The following CELF4 variants were observed in gnomAD, a reference collection of about 807,000 sequenced individuals.
CELF4 encodes CUG-BP- and ETR-3-like factor 4.
Under a neutral mutation model 59.9 loss-of-function variants are expected in CELF4, and 18 were observed. That is an observed-to-expected ratio of 0.30 (90% CI 0.21 to 0.45). CELF4 has a LOEUF of 0.45. Ranked by LOEUF, CELF4 falls within the 20% of genes least tolerant of loss-of-function variation. The pLI, the probability that CELF4 is intolerant of heterozygous loss-of-function variation, is 1.00. For missense variants in CELF4, 456 were observed against 689.0 expected, an observed-to-expected ratio of 0.66 and a Z score of 3.79; for synonymous variants, 261 against 267.1, an observed-to-expected ratio of 0.98 and a Z score of 0.22.
At chr18:37,338,759 C>CGTGTGTGTGTGTGTGTGT (rs60532435) in intron 2 of CELF4, among the ~76,000 whole-genome samples, 3 of 145,572 alleles carry the variant, frequency 2.1e-5, no homozygotes, top group East Asian at 2.0e-4. Context: ...ATGCAGGAGC[C>CGTGTGTGTGTGTGTGTGT]GTGTGTGTGT....
intron 2 of CELF4, among the ~76,000 whole-genome samples, chr18:37,340,863 C>G (rs1216466243): frequency 6.6e-6 from 1 of 152,248 alleles, no homozygotes; most frequent in Non-Finnish European, 1.5e-5. Flanking sequence ...CCTCTGCTGA[C>G]TGGAGGCTCA....
chr18:37,356,849 A>T (rs1020461420), intron 2 of CELF4, among the ~76,000 whole-genome samples: 4 of 152,138 alleles, frequency 2.6e-5, no homozygotes, highest in Admixed American at 2.0e-4. Context: ...GGTTTATGCC[A>T]GGCACTCGGC....
chr18:37,283,697 T>G (rs1325066692), intron 3 of CELF4, among the ~76,000 whole-genome samples: 1 of 151,546 alleles, frequency 6.6e-6, no homozygotes, highest in African/African-American at 2.4e-5. Flanking sequence ...TGGAGATGAG[T>G]AGGCACTGGA....
At chr18:37,456,751 G>A (rs907040667) in intron 2 of CELF4, among the ~76,000 whole-genome samples, 5 of 152,044 alleles carry the variant, frequency 3.3e-5, no homozygotes, top group African/African-American at 1.2e-4. Flanking sequence ...CTCAATCTGG[G>A]GCCTATTCCT....
rs564982920 is a variant in CELF4 at position 37,492,981 on chromosome 18, C to G, written c.287-7374G>C. On this transcript the variant is annotated intron_variant, in intron 1 of 12. Transcript: ENST00000420428. ...GACCCTCCTGCCATCTTCCCAGGAC[C>G]TTTTCTGGCCATTCTTGTTTCCCTA... is the stretch of plus-strand genomic sequence containing the variant. 2.6e-5 allele frequency among the ~76,000 whole-genome samples: 4 copies of G among 152,296 alleles called. No individual in the cohort carries two copies. In the South Asian group the frequency reaches 6.2e-4, roughly 24 times the overall value.
chr18:37,482,686 G>A (rs558013063), intron 2 of CELF4, among the ~76,000 whole-genome samples: 3 of 152,096 alleles, frequency 2.0e-5, no homozygotes, highest in Non-Finnish European at 4.4e-5. Flanking sequence ...CATGTGCTAG[G>A]GGTGCCTCTA....
chr18:37,547,668 C>T (rs945091141), intron 1 of CELF4, among the ~76,000 whole-genome samples: 1 of 152,188 alleles, frequency 6.6e-6, no homozygotes, highest in African/African-American at 2.4e-5. Flanking sequence ...GAGGATTTGG[C>T]CACAGACTTT....
At position 37,353,092 on chromosome 18, in the gene CELF4, G is replaced by A. The variant is rs539471426; in HGVS notation, c.370-31211C>T. 2.4e-3 allele frequency among the ~76,000 whole-genome samples: 366 copies of A among 151,876 alleles called. 1 individual carries two copies. The highest frequency in any genetic ancestry group is 8.3e-3 in the African/African-American group (345 of 41,430). ...AAAAATTAGCCGGGTGTGATGGCAC[G>A]TGCCTGCAGTCCCAGCTACTTGGGA... On this transcript the variant is annotated intron_variant, in intron 2 of 12. Coordinates refer to ENST00000420428, the MANE Select transcript of CELF4 (RefSeq NM_020180.4).
At chr18:37,487,596 G>A (rs972136939) in intron 1 of CELF4, among the ~76,000 whole-genome samples, 11 of 152,232 alleles carry the variant, frequency 7.2e-5, no homozygotes, top group African/African-American at 9.6e-5. Flanking sequence ...GTCGTCCCTC[G>A]TGCTGCCGCC....
chr18:37,301,278 T>A (rs1036697974), intron 3 of CELF4, among the ~76,000 whole-genome samples: 2 of 152,166 alleles, frequency 1.3e-5, no homozygotes, highest in Non-Finnish European at 2.9e-5. Flanking sequence ...TCAGCTAGAC[T>A]GAGAGGCCAC....
chr18:37,380,964 C>A (rs919269010), intron 2 of CELF4, among the ~76,000 whole-genome samples: 1 of 151,660 alleles, frequency 6.6e-6, no homozygotes, highest in African/African-American at 2.4e-5. Flanking sequence ...ATCATCTACC[C>A]ACCATATATC....
chr18:37,428,836 C>T (rs1603638645), intron 2 of CELF4, among the ~76,000 whole-genome samples: 1 of 152,184 alleles, frequency 6.6e-6, no homozygotes, highest in East Asian at 1.9e-4. Context: ...TCCCTAGTGG[C>T]TGAGAACAGG....
In CELF4 at chr18:37,271,438, T is replaced by C. The variant is rs143156774; in HGVS notation, c.950-521A>G. On this transcript the variant is annotated intron_variant, in intron 7 of 12. Coordinates refer to ENST00000420428, the MANE Select transcript of CELF4 (RefSeq NM_020180.4). Reference sequence around the variant, plus strand: ...CCCAGCTAATTTTTGTATTTTTTAGTAGGGTTGGGGTTTCGCCATGTTGGC... The same window carrying C: ...CCCAGCTAATTTTTGTATTTTTTAGCAGGGTTGGGGTTTCGCCATGTTGGC... 1.7e-3 allele frequency among the ~76,000 whole-genome samples: 261 copies of C among 152,110 alleles called. 1 individual carries two copies. The highest frequency in any genetic ancestry group is 5.9e-3 in the African/African-American group (246 of 41,474).
intron 2 of CELF4, among the ~76,000 whole-genome samples, chr18:37,367,639 C>A (rs1332178683): frequency 6.6e-6 from 1 of 151,236 alleles, no homozygotes; most frequent in Non-Finnish European, 1.5e-5. Context: ...AACAGAGGAA[C>A]AGAGGAAGGA....
At chr18:37,248,155 C>T (rs1014868324) in intron 12 of CELF4, among the ~76,000 whole-genome samples, 2 of 152,080 alleles carry the variant, frequency 1.3e-5, no homozygotes, top group African/African-American at 4.8e-5. Context: ...GAGGTTATGG[C>T]CCTCCCCCGT....
intron 2 of CELF4, among the ~76,000 whole-genome samples, chr18:37,420,133 C>G (rs1037114080): frequency 6.6e-6 from 1 of 152,174 alleles, no homozygotes; most frequent in Non-Finnish European, 1.5e-5. Flanking sequence ...GGTGGGGGAA[C>G]CTTGACCCTC....
chr18:37,560,818 C>T (rs765910998), intron 1 of CELF4, among the ~76,000 whole-genome samples: 3 of 152,192 alleles, frequency 2.0e-5, no homozygotes, highest in South Asian at 2.1e-4. Flanking sequence ...CAAAACCCCA[C>T]AAAACAACGA....
intron 2 of CELF4, among the ~76,000 whole-genome samples, chr18:37,468,977 C>CA (rs1569569525): frequency 1.3e-5 from 2 of 152,290 alleles, no homozygotes; most frequent in East Asian, 3.9e-4. Context: ...CAAACCATAT[C>CA]ACCTGTCCTG....
At position 37,266,602 on chromosome 18, in the gene CELF4, T is replaced by G; in HGVS notation, c.1100-4A>C. 6.3e-7 allele frequency: 1 copy of G among 1,584,096 alleles called. No homozygotes were observed. Among genetic ancestry groups the G allele is most frequent in the South Asian group, 1.2e-5 (1 of 86,492 alleles). On this transcript the variant is annotated splice_polypyrimidine_tract_variant and splice_region_variant and intron_variant, in intron 8 of 12. Coordinates refer to ENST00000420428, the MANE Select transcript of CELF4 (RefSeq NM_020180.4). ...TCCGCGGCGGTGGGGCTCTGTGCTG[T>G]AGGGAGCCAAGGGGACAGAGGTCAG...
Sources: allele counts gnomAD v4.1 joint callset (sites outside exome capture counted in the v4.1 genomes callset), GRCh38; gene constraint gnomAD v4.1.1; transcripts MANE v1.5; gene names NCBI Gene and HGNC (gene_info 2026-07-23, HGNC 2026-07-21).